Variants in NRG3 observed in about 807,000 individuals in gnomAD.
NRG3 encodes neuregulin 3, also known as pro-neuregulin-3, membrane-bound isoform.
In NRG3, 31 loss-of-function variants were observed where a neutral mutation model predicts 66.9. The observed-to-expected ratio is 0.46, with a 90% CI of 0.35 to 0.63. The LOEUF is 0.63. NRG3 is among the 20% of genes least tolerant of loss of function. The pLI is 0.00. For missense variants in NRG3, 910 were observed against 878.9 expected (o/e 1.04, Z -0.45); for synonymous variants, 393 against 359.4 (o/e 1.09, Z -1.06).
At chr10:82,550,870 T>C (rs2044262296) in intron 2 of NRG3, among the ~76,000 whole-genome samples, 1 of 152,164 alleles carries the variant, frequency 6.6e-6, no homozygotes, top group African/African-American at 2.4e-5. Flanking sequence ...TTCACTCATA[T>C]GCTGCAGAAA....
chr10:82,603,440 T>C (rs1440971373), intron 2 of NRG3, among the ~76,000 whole-genome samples: 1 of 152,202 alleles, frequency 6.6e-6, no homozygotes, highest in African/African-American at 2.4e-5. Context: ...CATCTTTGAA[T>C]ATCACTTAAG....
intron 3 of NRG3, among the ~76,000 whole-genome samples, chr10:82,764,878 AAG>A (rs374242137): frequency 2.0e-5 from 3 of 152,010 alleles, no homozygotes; most frequent in Admixed American, 6.6e-5. Context: ...GAGGAAAGAA[AAG>A]AGAGAGAGAG....
intron 3 of NRG3, among the ~76,000 whole-genome samples, chr10:82,770,293 G>T (rs758184175): frequency 2.0e-5 from 3 of 152,004 alleles, no homozygotes; most frequent in Admixed American, 6.6e-5. Context: ...TTCTATTCAA[G>T]TACTTTAGTA....
chr10:82,295,110 T>C (rs17099742), intron 1 of NRG3, among the ~76,000 whole-genome samples: 6,453 of 152,300 alleles, frequency 0.042, 170 homozygotes, highest in Middle Eastern at 0.058. Context: ...TAATGTTAAA[T>C]CTTAAAATTT....
intron 1 of NRG3, among the ~76,000 whole-genome samples, chr10:82,184,555 T>A: frequency 6.6e-6 from 1 of 152,304 alleles, no homozygotes; most frequent in Non-Finnish European, 1.5e-5. Context: ...TTATGTATAA[T>A]AATACTTTCT....
intron 1 of NRG3, among the ~76,000 whole-genome samples, chr10:82,056,177 G>A (rs1375180262): frequency 6.6e-6 from 1 of 151,982 alleles, no homozygotes; most frequent in African/African-American, 2.4e-5. Context: ...ATTTTTTCTT[G>A]GTCAGTACAA....
intron 8 of NRG3, among the ~76,000 whole-genome samples, chr10:82,979,803 G>A (rs141419799): frequency 6.6e-6 from 1 of 152,104 alleles, no homozygotes; most frequent in South Asian, 2.1e-4. Context: ...CTAAACATGC[G>A]ATCCTTGCTT....
chr10:82,961,082 A>G lies in NRG3; in HGVS notation c.1284+2007A>G, dbSNP rs183328193. Among the ~76,000 whole-genome samples the G allele has an allele frequency of 4.3e-3, 657 of 152,354 alleles. 15 individuals carry two copies. The highest frequency in any genetic ancestry group is 0.039 in the Admixed American group (604 of 15,308). On this transcript the variant is annotated intron_variant, in intron 6 of 8. Transcript: ENST00000372141. ...CAGTGGATTTGCAGAATACAATATC[A>G]GCACCAAAAGTTAGTTGAATTTCCA...
intron 1 of NRG3, among the ~76,000 whole-genome samples, chr10:81,992,479 G>A (rs899259484): frequency 1.3e-5 from 2 of 152,132 alleles, no homozygotes; most frequent in African/African-American, 2.4e-5. Context: ...AAATAGATAC[G>A]TTATAAATAG....
chr10:82,414,922 C>T lies in NRG3; in HGVS notation c.953+56054C>T, dbSNP rs137888337. ...AACCCTCAGTTTTTGCTCTTAAGGC[C>T]TTCAACTGATCGGATGAGGCTCACT... On this transcript the variant is annotated intron_variant, in intron 2 of 8. Coordinates refer to ENST00000372141, the MANE Select transcript of NRG3 (RefSeq NM_001010848.4). 6.3e-3 allele frequency among the ~76,000 whole-genome samples: 958 copies of T among 152,246 alleles called. 27 individuals are homozygous for T. The highest frequency in any genetic ancestry group is 0.047 in the Admixed American group (717 of 15,280).
chr10:82,785,673 G>C (rs766121238), intron 3 of NRG3, among the ~76,000 whole-genome samples: 1 of 152,158 alleles, frequency 6.6e-6, no homozygotes, highest in Non-Finnish European at 1.5e-5. Flanking sequence ...AAATCTTTAA[G>C]CAGCAAAGTG....
At chr10:82,985,027 T>C (rs1369653500) in intron 8 of NRG3, 71 bp from the exon 9 acceptor site, 20 of 1,551,024 alleles carry the variant, frequency 1.3e-5, no homozygotes, top group Non-Finnish European at 1.8e-5. Flanking sequence ...GAAAAGTGCT[T>C]TGTGGATTGA....
chr10:82,553,315 C>T (rs1042746476), intron 2 of NRG3, among the ~76,000 whole-genome samples: 1 of 151,652 alleles, frequency 6.6e-6, no homozygotes, highest in African/African-American at 2.4e-5. Flanking sequence ...AGGAGGATAA[C>T]TAGTGAGAAC....
intron 3 of NRG3, 61 bp from the exon 4 acceptor site, chr10:82,865,350 G>A (rs1840610149): frequency 4.4e-6 from 7 of 1,578,868 alleles, no homozygotes; most frequent in Admixed American, 1.7e-5. Context: ...CATGTATAGA[G>A]CTTTTTCTAA....
intron 4 of NRG3, among the ~76,000 whole-genome samples, chr10:82,899,116 A>G (rs1843963712): frequency 6.6e-6 from 1 of 152,054 alleles, no homozygotes; most frequent in East Asian, 1.9e-4. Flanking sequence ...ATCTAAATTT[A>G]TTCATAGGGT....
intron 2 of NRG3, among the ~76,000 whole-genome samples, chr10:82,461,045 A>G (rs2091487745): frequency 6.6e-6 from 1 of 152,070 alleles, no homozygotes. Context: ...GACTGCTACC[A>G]CCGTCAACAA....
At chr10:81,931,786 C>G (rs1249773752) in intron 1 of NRG3, among the ~76,000 whole-genome samples, 1 of 152,146 alleles carries the variant, frequency 6.6e-6, no homozygotes, top group Non-Finnish European at 1.5e-5. Flanking sequence ...GATACTCACT[C>G]CCATTCTTAG....
At chr10:82,421,336 G>T (rs1299884409) in intron 2 of NRG3, among the ~76,000 whole-genome samples, 1 of 152,006 alleles carries the variant, frequency 6.6e-6, no homozygotes, top group Non-Finnish European at 1.5e-5. Flanking sequence ...TGAGTTTTTA[G>T]TAATTTGGGA....
intron 1 of NRG3, among the ~76,000 whole-genome samples, chr10:82,303,871 A>AATAC (rs2080560221): frequency 6.6e-6 from 1 of 152,070 alleles, no homozygotes; most frequent in African/African-American, 2.4e-5. Flanking sequence ...TGTCTCAAAA[A>AATAC]ATAAATAAAT....
Sources: allele counts gnomAD v4.1 joint callset (sites outside exome capture counted in the v4.1 genomes callset), GRCh38; gene constraint gnomAD v4.1.1; transcripts MANE v1.5; gene names NCBI Gene and HGNC (gene_info 2026-07-23, HGNC 2026-07-21).